Variants in SLC22A17 observed in about 807,000 individuals in gnomAD.
SLC22A17 encodes the protein 24p3 receptor.
Under a neutral mutation model 53.6 loss-of-function variants are expected in SLC22A17, and 38 were observed. The ratio of observed to expected loss-of-function variants is 0.71; its 90% CI spans 0.55 to 0.93. SLC22A17 has a LOEUF of 0.93. Among genes scored for constraint, SLC22A17 ranks in the 40% least tolerant of loss-of-function variants. SLC22A17 has a pLI of 0.00. For missense variants in SLC22A17, 704 were observed against 791.0 expected (o/e 0.89, Z 1.32); for synonymous variants, 379 against 353.0 (o/e 1.07, Z -0.82).
In SLC22A17 at chr14:23,347,069, G is replaced by A. The variant is rs369979900; in HGVS notation, c.1661+32C>T. 7.8e-4 allele frequency: 1,243 copies of A among 1,585,308 alleles called. 20 individuals carry two copies. In the South Asian group the frequency reaches 0.012, roughly 16 times the overall value. ...GGGGGAGCGGGAGGCGAGGGGGCCC[G>A]GCTCTGCCCCTGGGGGCACCCCTGC... On this transcript the variant is annotated intron_variant, in intron 9 of 9. Coordinates refer to ENST00000397267, the Ensembl canonical transcript of SLC22A17. The surrounding 1 kb of genome is among the most constrained non-coding windows in gnomAD (Gnocchi z 5.1).
chr14:23,349,159 G>T, intron 4 of SLC22A17, 113 bp downstream of exon 4: 1 of 1,384,120 alleles, frequency 7.2e-7, no homozygotes, highest in Non-Finnish European at 1.0e-6. Context: ...CAGAAAGATA[G>T]CTGAGATTCT....
At position 23,352,032 on chromosome 14, in the gene SLC22A17, G is replaced by T; in HGVS notation, c.516C>A (p.Gly172=). ...AATGGTTGAAGTCCGGCGGGGCGAA[G>T]CCGCTGCACGAGGGGTCGGTACTGG... The change falls in exon 2 of 10, where the codon GGC becomes GGA. Residue 172 remains glycine (G), a synonymous_variant. Coordinates refer to ENST00000397267, the Ensembl canonical transcript of SLC22A17. This position sits in a 1 kb window ranked among gnomAD's most constrained non-coding sequence, Gnocchi z 7.2. 6.2e-7 allele frequency: 1 copy of T among 1,609,084 alleles called. No individual in the cohort carries two copies. Among genetic ancestry groups the T allele is most frequent in the Non-Finnish European group, 8.5e-7 (1 of 1,177,982 alleles).
At chr14:23,349,050 G>C in intron 4 of SLC22A17, 1 of 633,098 alleles carries the variant, frequency 1.6e-6, no homozygotes, top group East Asian at 2.8e-5. Flanking sequence ...CTTATTCCTT[G>C]GCAGCAGTAA....
rs759991147 is a variant in SLC22A17 at position 23,348,214 on chromosome 14, C to T, written c.1118G>A (p.Arg373Gln). 8.7e-6 allele frequency: 14 copies of T among 1,614,116 alleles called. No homozygotes were observed. The highest frequency in any genetic ancestry group is 1.6e-4 in the Middle Eastern group (1 of 6,062). The change falls in exon 6 of 10, where the codon CGA becomes CAA. Residue 373 changes from arginine to glutamine, a missense_variant. Coordinates refer to ENST00000397267, the Ensembl canonical transcript of SLC22A17. The surrounding 1 kb of genome is among the most constrained non-coding windows in gnomAD (Gnocchi z 4.5). Reference sequence around the variant, plus strand: ...CAGCATCTGCCCATGGGGCCGGTTTCGCTCAGCCAGGATCCTCAGCACAGA... The same window carrying T: ...CAGCATCTGCCCATGGGGCCGGTTTTGCTCAGCCAGGATCCTCAGCACAGA...
At chr14:23,349,272 G>C (rs1324944066) in exon 4 of SLC22A17, 1 of 1,613,810 alleles carries the variant, frequency 6.2e-7, no homozygotes, top group Non-Finnish European at 8.5e-7. Flanking sequence ...TGCCACTTAC[G>C]CATCAGGTAG....
intron 2 of SLC22A17, 28 bp downstream of exon 2, chr14:23,351,920 A>C (rs768251970): frequency 2.4e-5 from 38 of 1,611,764 alleles, no homozygotes; most frequent in Middle Eastern, 3.3e-4. Flanking sequence ...GCCCGCCCCC[A>C]GACCCGCGGC....
chr14:23,348,860 C>T lies in SLC22A17; in HGVS notation c.860-189G>A. The T allele has an allele frequency of 1.5e-6, 1 of 645,876 alleles. No individual in the cohort carries two copies. Among genetic ancestry groups the T allele is most frequent in the East Asian group, 2.8e-5 (1 of 36,336 alleles). 40.0% of individuals were successfully genotyped at this position (645,876 alleles called of 1,614,324 possible). On this transcript the variant is annotated intron_variant, in intron 4 of 9. Coordinates refer to ENST00000397267, the Ensembl canonical transcript of SLC22A17. The surrounding 1 kb of genome is among the most constrained non-coding windows in gnomAD (Gnocchi z 4.5). ...GGGAGACTGTTCAGCCCTCTCTCCTCTCCTGCTCAAACCTAGGAGGGCTCT... is the reference window on the plus strand; with the variant it reads ...GGGAGACTGTTCAGCCCTCTCTCCTTTCCTGCTCAAACCTAGGAGGGCTCT...
Position 23,347,221 on chromosome 14 carries a change from G to T in SLC22A17, c.1550-9C>A. ...GGCAGCCTCGTTCAGATCTGCAGAAGCAAGAGGGATGATATGAATGCAGGT... is the reference window on the plus strand; with the variant it reads ...GGCAGCCTCGTTCAGATCTGCAGAATCAAGAGGGATGATATGAATGCAGGT... On this transcript the variant is annotated splice_polypyrimidine_tract_variant and intron_variant, in intron 8 of 9. Transcript: ENST00000397267. The surrounding 1 kb of genome is among the most constrained non-coding windows in gnomAD (Gnocchi z 5.1). 6.2e-7 allele frequency: 1 copy of T among 1,608,724 alleles called. No homozygotes were observed. Among genetic ancestry groups the T allele is most frequent in the Non-Finnish European group, 8.5e-7 (1 of 1,176,622 alleles).
At chr14:23,351,558 G>A (rs570867391) in intron 3 of SLC22A17, 194 bp downstream of exon 3, 2 of 576,096 alleles carry the variant, frequency 3.5e-6, no homozygotes, top group Non-Finnish European at 6.2e-6. Flanking sequence ...ATTCCCTTGC[G>A]CGGAAGAGGT....
At position 23,347,208 on chromosome 14, in the gene SLC22A17, C is replaced by A; in HGVS notation, c.1554G>T (p.Leu518=). 6.2e-7 allele frequency: 1 copy of A among 1,612,372 alleles called. No individual in the cohort carries two copies. The highest frequency in any genetic ancestry group is 1.1e-5 in the South Asian group (1 of 90,636). The stretch of plus-strand genomic sequence containing the variant: ...AGAAAGTGGTGATGGCAGCCTCGTT[C>A]AGATCTGCAGAAGCAAGAGGGATGA... Residue 518 remains leucine (L), a synonymous_variant, in exon 9 of 10, where the codon CTG becomes CTT. Coordinates refer to ENST00000397267, the Ensembl canonical transcript of SLC22A17. This position sits in a 1 kb window ranked among gnomAD's most constrained non-coding sequence, Gnocchi z 5.1.
In SLC22A17 at chr14:23,347,669, T is replaced by G; in HGVS notation, c.1340A>C (p.Asp447Ala). Reference sequence around the variant, plus strand: ...GGCCAGCAGAGAGCACAGGTAGAAGTCCGATGGGCTCCCTCCTCCTCCCAC... The same window carrying G: ...GGCCAGCAGAGAGCACAGGTAGAAGGCCGATGGGCTCCCTCCTCCTCCCAC... The change falls in exon 8 of 10, where the codon GAC becomes GCC. Residue 447 changes from aspartate (D) to alanine (A), a missense_variant. Asp to Ala is a moderately radical substitution (Grantham distance 126). Coordinates refer to ENST00000397267, the Ensembl canonical transcript of SLC22A17. This position sits in a 1 kb window ranked among gnomAD's most constrained non-coding sequence, Gnocchi z 5.1. The G allele has an allele frequency of 6.2e-7, 1 of 1,613,790 alleles. No individual in the cohort carries two copies. The highest frequency in any genetic ancestry group is 8.5e-7 in the Non-Finnish European group (1 of 1,179,952).
In SLC22A17 at chr14:23,348,439, C is replaced by T; in HGVS notation, c.1025+67G>A. 1 of 1,588,264 alleles carries T rather than the reference C, an allele frequency of 6.3e-7. No individual in the cohort carries two copies. Among genetic ancestry groups the T allele is most frequent in the Non-Finnish European group, 8.6e-7 (1 of 1,164,938 alleles). Reference sequence around the variant, plus strand: ...GGTAGTTGGAGAAGAGGAGGGGTCTCCGGGCTAGGGCTAGTTTGGAGGCAG... The same window carrying T: ...GGTAGTTGGAGAAGAGGAGGGGTCTTCGGGCTAGGGCTAGTTTGGAGGCAG... On this transcript the variant is annotated intron_variant, in intron 5 of 9. Coordinates refer to ENST00000397267, the Ensembl canonical transcript of SLC22A17. The surrounding 1 kb of genome is among the most constrained non-coding windows in gnomAD (Gnocchi z 4.5).
Position 23,347,190 on chromosome 14 carries a change from G to A in SLC22A17, c.1572C>T (p.Thr524=). ...AGAAGAGCCCAAGGACAGAGAAAGT[G>A]GTGATGGCAGCCTCGTTCAGATCTG... The change falls in exon 9 of 10, where the codon ACC becomes ACT. Residue 524 remains threonine (T), a synonymous_variant. Coordinates refer to ENST00000397267, the Ensembl canonical transcript of SLC22A17. This position sits in a 1 kb window ranked among gnomAD's most constrained non-coding sequence, Gnocchi z 5.1. 6.2e-7 allele frequency: 1 copy of A among 1,613,878 alleles called. No homozygotes were observed. The highest frequency in any genetic ancestry group is 8.5e-7 in the Non-Finnish European group (1 of 1,179,930).
Position 23,346,940 on chromosome 14 carries a change from G to C in SLC22A17, c.1662-4C>G, listed in dbSNP as rs547333943. 1.7e-4 allele frequency: 253 copies of C among 1,529,292 alleles called. 1 individual carries two copies. The South Asian group carries it at 2.6e-3, about 16-fold the overall frequency. 94.7% of individuals were successfully genotyped at this position (1,529,292 alleles called of 1,614,324 possible). A position where few individuals can be genotyped will look rare whatever the true frequency, so the allele number is the denominator to read the frequency against. On this transcript the variant is annotated splice_region_variant and splice_polypyrimidine_tract_variant and intron_variant, in intron 9 of 9. Transcript: ENST00000397267. Reference sequence around the variant, plus strand: ...GATCAGGCCCAGGCCACGGCCCCTGGGGGGAGACAGAGGAGGAGCTCAGCC... The same window carrying C: ...GATCAGGCCCAGGCCACGGCCCCTGCGGGGAGACAGAGGAGGAGCTCAGCC...
Position 23,347,095 on chromosome 14 carries a change from T to C in SLC22A17, c.1661+6A>G. The C allele has an allele frequency of 6.2e-7, 1 of 1,610,806 alleles. No homozygotes were observed. The highest frequency in any genetic ancestry group is 8.5e-7 in the Non-Finnish European group (1 of 1,178,644). On this transcript the variant is annotated splice_donor_region_variant and intron_variant, in intron 9 of 9. Transcript: ENST00000397267. The surrounding 1 kb of genome is among the most constrained non-coding windows in gnomAD (Gnocchi z 5.1). ...GCTCTGCCCCTGGGGGCACCCCTGCTCTCACCGGACAGTGGTGGGGATGAC... is the reference window on the plus strand; with the variant it reads ...GCTCTGCCCCTGGGGGCACCCCTGCCCTCACCGGACAGTGGTGGGGATGAC...
rs763296747 is a variant in SLC22A17 at position 23,348,635 on chromosome 14, A to G, written c.896T>C (p.Val299Ala). Residue 299 changes from valine to alanine, a missense_variant, in exon 5 of 10, where the codon GTG becomes GCG. Transcript: ENST00000397267. This position sits in a 1 kb window ranked among gnomAD's most constrained non-coding sequence, Gnocchi z 4.5. ...CCCCACCAACTCCCCTGCCAGGGCC[A>G]CCCGAAGCCTCTGGGTTGGGTCGCA... 3 of 1,613,212 alleles carry G rather than the reference A, an allele frequency of 1.9e-6. No individual in the cohort carries two copies. Among genetic ancestry groups the G allele is most frequent in the African/African-American group, 2.7e-5 (2 of 74,826 alleles).
intron 3 of SLC22A17, among the ~76,000 whole-genome samples, chr14:23,350,550 T>C (rs1160898568): frequency 1.3e-5 from 2 of 152,102 alleles, no homozygotes; most frequent in African/African-American, 4.8e-5. Flanking sequence ...TATTGATCTT[T>C]GGGGATAAGA....
chr14:23,346,855 A>G (rs1006037139), exon 10 of SLC22A17: 4 of 1,539,622 alleles, frequency 2.6e-6, no homozygotes, highest in Non-Finnish European at 3.5e-6. Context: ...GGAAGGCTCC[A>G]TGGCCCATGT....
rs756492317 is a variant in SLC22A17, at chr14:23,347,582, C to T, written c.1427G>A (p.Arg476Gln). 16 of 1,613,892 alleles carry T rather than the reference C, an allele frequency of 9.9e-6. No homozygotes were observed. Among genetic ancestry groups the T allele is most frequent in the African/African-American group, 2.7e-5 (2 of 74,880 alleles). Residue 476 changes from arginine (R) to glutamine (Q), a missense_variant, in exon 8 of 10, where the codon CGG becomes CAG. Arg to Gln is a conservative substitution (Grantham distance 43). This residue lies in a region of SLC22A17 where 435 missense variants were observed against 529.0 expected (regional missense o/e 0.82). Transcript: ENST00000397267. This position sits in a 1 kb window ranked among gnomAD's most constrained non-coding sequence, Gnocchi z 5.1. Reference sequence around the variant, plus strand: ...GGTCATGGAGAGAAGAAGGATGCCCCGGCGGCCAAATCGGTCCACGGTGAC... The same window carrying T: ...GGTCATGGAGAGAAGAAGGATGCCCTGGCGGCCAAATCGGTCCACGGTGAC...
Sources: allele counts gnomAD v4.1 joint callset (sites outside exome capture counted in the v4.1 genomes callset), GRCh38; gene constraint gnomAD v4.1.1; regional missense constraint gnomAD v4.1.1; non-coding constraint Gnocchi (gnomAD v3.1); transcripts MANE v1.5; gene names NCBI Gene and HGNC (gene_info 2026-07-23, HGNC 2026-07-21).